AK9: variants seen among roughly 807,000 people sequenced by gnomAD.
The protein encoded by AK9 is adenylate kinase 9, also known as adenylate kinase domain containing 1.
A neutral mutation model predicts 239.6 loss-of-function variants in AK9; 191 were observed. That is an observed-to-expected ratio of 0.80 (90% CI 0.71 to 0.90). The LOEUF (loss-of-function observed/expected upper bound fraction) is 0.90, where lower values mean the gene tolerates loss of function less well. Among genes scored for constraint, AK9 ranks in the 40% least tolerant of loss-of-function variants. AK9 has a pLI of 0.00. For synonymous variants in AK9, 689 were observed against 721.0 expected, an observed-to-expected ratio of 0.96 and a Z score of 0.71; for missense variants, 1,995 against 2,214.7, an observed-to-expected ratio of 0.90 and a Z score of 1.99.
chr6:109,588,257 G>C (rs1789773036), intron 17 of AK9, among the ~76,000 whole-genome samples: 1 of 152,110 alleles, frequency 6.6e-6, no homozygotes, highest in East Asian at 1.9e-4. Flanking sequence ...TTTTAGTAGA[G>C]ACGGGGTTTC....
chr6:109,538,156 T>A (rs866226544), intron 27 of AK9, among the ~76,000 whole-genome samples: 18 of 152,150 alleles, frequency 1.2e-4, no homozygotes, highest in Non-Finnish European at 2.4e-4. Context: ...TTCCTGGATA[T>A]CCTTGTGAAC....
At chr6:109,611,322 G>A (rs917352676) in intron 16 of AK9, among the ~76,000 whole-genome samples, 2 of 152,166 alleles carry the variant, frequency 1.3e-5, no homozygotes, top group African/African-American at 4.8e-5. Flanking sequence ...GAAAAGTCAA[G>A]AACCCATGAT....
intron 21 of AK9, among the ~76,000 whole-genome samples, chr6:109,569,737 C>A (rs1021191467): frequency 6.6e-6 from 1 of 152,178 alleles, no homozygotes; most frequent in Admixed American, 6.5e-5. Context: ...GAGATACCAT[C>A]TCACACCAGT....
intron 24 of AK9, among the ~76,000 whole-genome samples, chr6:109,558,537 A>C (rs1408752864): frequency 6.6e-6 from 1 of 152,124 alleles, no homozygotes; most frequent in African/African-American, 2.4e-5. Context: ...AATTGTCCAT[A>C]TATGTGTGGC....
At chr6:109,672,243 G>A in intron 3 of AK9, 76 bp from the exon 4 acceptor site, 1 of 1,205,044 alleles carries the variant, frequency 8.3e-7, no homozygotes. Flanking sequence ...CTAGTGTCTT[G>A]TAACTGGTAA....
intron 1 of AK9, 21 bp downstream of exon 1, chr6:109,691,126 A>G: frequency 1.9e-6 from 1 of 520,568 alleles, no homozygotes; most frequent in Non-Finnish European, 3.5e-6. Flanking sequence ...TTCTCCGCCC[A>G]TGTTTTCCTC....
chr6:109,608,854 AT>A (rs1158608162), intron 17 of AK9, among the ~76,000 whole-genome samples: 1 of 152,200 alleles, frequency 6.6e-6, no homozygotes, highest in African/African-American at 2.4e-5. Flanking sequence ...AAACAATCCA[AT>A]TTAAAAAATA....
At chr6:109,691,115 T>C in intron 1 of AK9, 32 bp downstream of exon 1, 1 of 500,822 alleles carries the variant, frequency 2.0e-6, no homozygotes, top group Non-Finnish European at 3.6e-6. Context: ...CCGTCGACTT[T>C]TTCTCCGCCC....
chr6:109,614,593 C>T (rs1793946823), intron 13 of AK9, 113 bp from the exon 14 acceptor site: 2 of 823,274 alleles, frequency 2.4e-6, no homozygotes, highest in African/African-American at 1.7e-5. Flanking sequence ...TCAGTTCTGA[C>T]TTATAAGCTG....
intron 32 of AK9, among the ~76,000 whole-genome samples, chr6:109,511,330 T>C (rs958295935): frequency 1.3e-5 from 2 of 152,234 alleles, no homozygotes; most frequent in Non-Finnish European, 2.9e-5. Flanking sequence ...TTTTAAAATG[T>C]ATAATGGCAC....
rs570030440 is a variant in AK9, at chr6:109,512,518, T to C, written c.4279+1706A>G. Reference sequence around the variant, plus strand: ...CTTGAGGTTTGGTTCTGGACCCCTTTCCTGTAACAATTATAGACTCTTTTG... The same window carrying C: ...CTTGAGGTTTGGTTCTGGACCCCTTCCCTGTAACAATTATAGACTCTTTTG... On this transcript the variant is annotated intron_variant, in intron 32 of 40. Coordinates refer to ENST00000424296, the MANE Select transcript of AK9 (RefSeq NM_001145128.3). Among the ~76,000 whole-genome samples, 23 of 152,294 alleles carry C rather than the reference T, an allele frequency of 1.5e-4. No homozygotes were observed. The South Asian group carries it at 4.8e-3, about 32-fold the overall frequency.
At chr6:109,664,493 C>T (rs896048433) in intron 5 of AK9, among the ~76,000 whole-genome samples, 6 of 151,904 alleles carry the variant, frequency 3.9e-5, no homozygotes, top group African/African-American at 1.4e-4. Context: ...GGTGTGGTCT[C>T]GGCTCACTGC....
At chr6:109,559,581 A>G (rs891199974) in intron 24 of AK9, among the ~76,000 whole-genome samples, 3 of 152,150 alleles carry the variant, frequency 2.0e-5, no homozygotes, top group African/African-American at 7.2e-5. Context: ...TTCATATTAC[A>G]TATTCTTGAT....
At chr6:109,580,662 T>C (rs1019719687) in intron 19 of AK9, among the ~76,000 whole-genome samples, 1 of 152,088 alleles carries the variant, frequency 6.6e-6, no homozygotes, top group African/African-American at 2.4e-5. Context: ...CTACACCTCT[T>C]CTCCCAGCAG....
intron 21 of AK9, among the ~76,000 whole-genome samples, chr6:109,571,798 T>C (rs1420679380): frequency 6.6e-6 from 1 of 152,206 alleles, no homozygotes; most frequent in East Asian, 1.9e-4. Context: ...GAGTTTTTAT[T>C]TTCAGGATCA....
intron 12 of AK9, among the ~76,000 whole-genome samples, chr6:109,623,259 G>A (rs1375561547): frequency 6.6e-6 from 1 of 152,170 alleles, no homozygotes; most frequent in Admixed American, 6.5e-5. Context: ...TTCAGAAGGT[G>A]GAGCCTAATT....
In AK9 at chr6:109,619,249, T is replaced by G; in HGVS notation, c.1255-13A>C. 6.5e-7 allele frequency: 1 copy of G among 1,537,808 alleles called. No individual in the cohort carries two copies. Among genetic ancestry groups the G allele is most frequent in the South Asian group, 1.2e-5 (1 of 80,850 alleles). On this transcript the variant is annotated splice_polypyrimidine_tract_variant and intron_variant, in intron 12 of 40. Coordinates refer to ENST00000424296, the MANE Select transcript of AK9 (RefSeq NM_001145128.3). ...CATAGTCGACTACCTGCAAAGAATA[T>G]TTGAGAAAATCGACATAAGCAGGAG...
At chr6:109,605,584 C>G (rs1303632021) in intron 17 of AK9, among the ~76,000 whole-genome samples, 2 of 152,012 alleles carry the variant, frequency 1.3e-5, no homozygotes, top group Non-Finnish European at 2.9e-5. Flanking sequence ...GGATAAAGAG[C>G]AAATACTGAG....
At chr6:109,678,708 G>A (rs1449467907) in intron 1 of AK9, among the ~76,000 whole-genome samples, 1 of 152,166 alleles carries the variant, frequency 6.6e-6, no homozygotes, top group East Asian at 1.9e-4. Context: ...AGCTCCCAGC[G>A]AGATCAACAC....
Sources: gnomAD v4.1 joint callset for allele counts (sites outside exome capture counted in the v4.1 genomes callset) on GRCh38, gnomAD v4.1.1 for gene constraint, MANE v1.5 for transcripts, NCBI Gene and HGNC (gene_info 2026-07-23, HGNC 2026-07-21) for gene names.